Variants in BABAM2 observed in about 807,000 individuals in gnomAD.
BABAM2 encodes BRISC and BRCA1-A complex member 2.
In BABAM2, 31 loss-of-function variants were observed where a neutral mutation model predicts 54.7. The ratio of observed to expected loss-of-function variants is 0.57; its 90% CI spans 0.43 to 0.77. BABAM2 has a LOEUF of 0.77. BABAM2 is among the 30% of genes least tolerant of loss of function. BABAM2 has a pLI of 0.00. For synonymous variants in BABAM2, 167 were observed against 162.9 expected (o/e 1.03, Z -0.19); for missense variants, 364 against 455.8 (o/e 0.80, Z 1.83).
chr2:28,312,615 G>A (rs1318283109), intron 11 of BABAM2, among the ~76,000 whole-genome samples: 1 of 152,050 alleles, frequency 6.6e-6, no homozygotes, highest in Non-Finnish European at 1.5e-5. Flanking sequence ...AAACTCACTG[G>A]GGCAGTTACC....
At chr2:28,038,795 C>T (rs952912819) in intron 5 of BABAM2, among the ~76,000 whole-genome samples, 4 of 152,116 alleles carry the variant, frequency 2.6e-5, no homozygotes, top group African/African-American at 9.7e-5. Flanking sequence ...TGATGGGCAC[C>T]TAGGTAGTTT....
chr2:28,113,254 G>A (rs188210367), intron 6 of BABAM2, among the ~76,000 whole-genome samples: 39 of 152,212 alleles, frequency 2.6e-4, no homozygotes, highest in African/African-American at 8.2e-4. Flanking sequence ...TGCTTTTGGC[G>A]TTTTAGTCAT....
rs1311696799 is a variant in BABAM2, at chr2:28,146,178, C to T, written c.680+16798C>T. On this transcript the variant is annotated intron_variant, in intron 7 of 11. Transcript: ENST00000379624. ...GTAAGAGTTCTTTATATATTCTGGA[C>T]ACTAGACTTTTATTAGATACATAAT... is the stretch of plus-strand genomic sequence containing the variant. 3.3e-5 allele frequency among the ~76,000 whole-genome samples: 5 copies of T among 152,132 alleles called. No individual in the cohort carries two copies. The East Asian group carries it at 7.7e-4, about 23-fold the overall frequency.
At chr2:28,228,149 C>A (rs932351355) in intron 7 of BABAM2, among the ~76,000 whole-genome samples, 1 of 152,200 alleles carries the variant, frequency 6.6e-6, no homozygotes, top group African/African-American at 2.4e-5. Flanking sequence ...CTTCTGGTAT[C>A]TTTTCATTTT....
chr2:28,223,604 G>C (rs1680607604), intron 7 of BABAM2, among the ~76,000 whole-genome samples: 1 of 152,224 alleles, frequency 6.6e-6, no homozygotes. Flanking sequence ...CTCCAGAGGG[G>C]ACAGGAAGAT....
rs147724619 is a variant in BABAM2, at chr2:28,157,022, C to T, written c.680+27642C>T. Among the ~76,000 whole-genome samples the T allele has an allele frequency of 2.2e-4, 33 of 152,242 alleles. No homozygotes were observed. The East Asian group carries it at 6.0e-3, about 28-fold the overall frequency. On this transcript the variant is annotated intron_variant, in intron 7 of 11. Coordinates refer to ENST00000379624, the MANE Select transcript of BABAM2 (RefSeq NM_199191.3). ...AATGTATTGGTCTATAATTTTTAGACTTCTGTGAGAATGAAAATAGGATGC... is the reference window on the plus strand; with the variant it reads ...AATGTATTGGTCTATAATTTTTAGATTTCTGTGAGAATGAAAATAGGATGC...
rs566146257 is a variant in BABAM2, at chr2:28,121,910, A to G, written c.571-7361A>G. Among the ~76,000 whole-genome samples the G allele has an allele frequency of 5.3e-5, 8 of 152,244 alleles. No homozygotes were observed. The East Asian group carries it at 1.5e-3, about 29-fold the overall frequency. On this transcript the variant is annotated intron_variant, in intron 6 of 11. Coordinates refer to ENST00000379624, the MANE Select transcript of BABAM2 (RefSeq NM_199191.3). ...GATTCTGTTTTGCAAATTTGCATAT[A>G]GTTTGTCAAAAACTCATAACTTGGT...
intron 6 of BABAM2, among the ~76,000 whole-genome samples, chr2:28,061,862 C>A (rs1678903289): frequency 6.6e-6 from 1 of 151,980 alleles, no homozygotes; most frequent in East Asian, 1.9e-4. Flanking sequence ...CTTCATGATT[C>A]TCATTACTTG....
chr2:28,026,917 AAT>A lies in BABAM2; in HGVS notation c.495+1505_495+1506del, dbSNP rs1298714776. 1.7e-3 allele frequency among the ~76,000 whole-genome samples: 50 copies of A among 29,478 alleles called. 4 individuals are homozygous for A. The highest frequency in any genetic ancestry group is 5.1e-3 in the African/African-American group (46 of 9,056). 19.3% of individuals were successfully genotyped at this position (29,478 alleles called of 152,430 possible). On this transcript the variant is annotated intron_variant, in intron 5 of 11. Coordinates refer to ENST00000379624, the MANE Select transcript of BABAM2 (RefSeq NM_199191.3). ...ATATAAATATATATAAATATATATT[AAT>A]ATATATAAATATATATATAAATATA...
intron 3 of BABAM2, among the ~76,000 whole-genome samples, chr2:27,977,597 T>C (rs1423017248): frequency 6.6e-6 from 1 of 152,188 alleles, no homozygotes; most frequent in Non-Finnish European, 1.5e-5. Flanking sequence ...ACAATGCCAT[T>C]TATCAATAGA....
chr2:28,122,525 A>G (rs1173519647), intron 6 of BABAM2, among the ~76,000 whole-genome samples: 2 of 152,170 alleles, frequency 1.3e-5, no homozygotes, highest in African/African-American at 4.8e-5. Context: ...ACTTTATTGT[A>G]AGCCTTTTTG....
intron 10 of BABAM2, among the ~76,000 whole-genome samples, chr2:28,296,821 G>T (rs1047583892): frequency 2.0e-5 from 3 of 152,092 alleles, no homozygotes; most frequent in Admixed American, 2.0e-4. Context: ...CCGGGTAGCT[G>T]GGATTATAGG....
intron 7 of BABAM2, among the ~76,000 whole-genome samples, chr2:28,195,116 T>TC (rs2147933507): frequency 6.6e-6 from 1 of 152,336 alleles, no homozygotes; most frequent in Non-Finnish European, 1.5e-5. Flanking sequence ...GATTTTTTTT[T>TC]CACAGTAAGA....
At chr2:28,150,398 G>A (rs924897547) in intron 7 of BABAM2, among the ~76,000 whole-genome samples, 13 of 152,182 alleles carry the variant, frequency 8.5e-5, no homozygotes, top group African/African-American at 3.1e-4. Flanking sequence ...ATACAGAGGG[G>A]AGGGGGAAAA....
chr2:28,111,353 G>GT (rs1442647307), intron 6 of BABAM2, among the ~76,000 whole-genome samples: 1 of 151,736 alleles, frequency 6.6e-6, no homozygotes, highest in Admixed American at 6.6e-5. Context: ...AGGTTGTTTG[G>GT]TTTTTTTGTT....
intron 3 of BABAM2, among the ~76,000 whole-genome samples, chr2:27,935,729 A>G (rs1314594023): frequency 6.6e-6 from 1 of 152,154 alleles, no homozygotes; most frequent in Non-Finnish European, 1.5e-5. Context: ...GGCAGACTTC[A>G]TTGTTGTCTT....
intron 11 of BABAM2, chr2:28,308,611 A>G (rs190666522): frequency 1.7e-4 from 67 of 388,038 alleles, no homozygotes; most frequent in Middle Eastern, 1.0e-3. Context: ...GATTCTATGT[A>G]TATGTCTTTT....
intron 3 of BABAM2, among the ~76,000 whole-genome samples, chr2:27,953,596 C>T (rs1010169534): frequency 2.6e-5 from 4 of 151,480 alleles, no homozygotes; most frequent in Admixed American, 1.3e-4. Context: ...TGGGCCCACA[C>T]TTCTCTTTTG....
At chr2:28,259,103 T>C (rs937904895) in intron 10 of BABAM2, among the ~76,000 whole-genome samples, 14 of 126,736 alleles carry the variant, frequency 1.1e-4, no homozygotes, top group South Asian at 1.1e-3. Context: ...TTTTTTTTTT[T>C]TTTCAGACTG....
Sources: gnomAD v4.1 joint callset for allele counts (sites outside exome capture counted in the v4.1 genomes callset) on GRCh38, gnomAD v4.1.1 for gene constraint, MANE v1.5 for transcripts, NCBI Gene and HGNC (gene_info 2026-07-23, HGNC 2026-07-21) for gene names.